The following CCDC73 variants were observed in gnomAD, a reference collection of about 807,000 sequenced individuals.
CCDC73 encodes the protein coiled-coil domain-containing protein 73.
Under a neutral mutation model 116.5 loss-of-function variants are expected in CCDC73, and 95 were observed. The ratio of observed to expected loss-of-function variants is 0.82; its 90% CI spans 0.69 to 0.97. CCDC73 has a LOEUF of 0.97. Among genes scored for constraint, CCDC73 ranks in the 50% least tolerant of loss-of-function variants. The pLI is 0.00. For missense variants in CCDC73, 1,066 were observed against 1,206.8 expected (o/e 0.88, Z 1.73); for synonymous variants, 398 against 401.3 (o/e 0.99, Z 0.10).
At chr11:32,746,928 G>A (rs959007679) in intron 2 of CCDC73, among the ~76,000 whole-genome samples, 5 of 152,040 alleles carry the variant, frequency 3.3e-5, no homozygotes, top group African/African-American at 9.7e-5. Context: ...TACTTCTGTC[G>A]ACTTGTCAAA....
At chr11:32,666,452 G>A (rs548009474) in intron 9 of CCDC73, among the ~76,000 whole-genome samples, 57 of 152,096 alleles carry the variant, frequency 3.7e-4, no homozygotes, top group Admixed American at 2.4e-3. Flanking sequence ...TAATCGAATC[G>A]GCTACTGAAG....
chr11:32,629,620 G>C (rs1254939628), intron 14 of CCDC73, among the ~76,000 whole-genome samples: 4 of 152,032 alleles, frequency 2.6e-5, no homozygotes, highest in South Asian at 2.1e-4. Context: ...GGATGGTCTC[G>C]ATCTCCTGAC....
the CCDC73 span, among the ~76,000 whole-genome samples, chr11:32,822,590 G>A: frequency 1.1e-4 from 17 of 152,108 alleles, no homozygotes; most frequent in African/African-American, 4.1e-4. Flanking sequence ...AAGCAATTAT[G>A]TTGAACCATA....
chr11:32,667,358 A>G (rs1211720761), intron 9 of CCDC73, among the ~76,000 whole-genome samples: 2 of 152,216 alleles, frequency 1.3e-5, no homozygotes, highest in Non-Finnish European at 2.9e-5. Context: ...AAGCCTCAGC[A>G]ATGGTGGGTG....
intron 12 of CCDC73, among the ~76,000 whole-genome samples, chr11:32,650,718 C>A (rs927938070): frequency 6.6e-6 from 1 of 151,844 alleles, no homozygotes; most frequent in South Asian, 2.1e-4. Flanking sequence ...ATTTGGGACA[C>A]GTAAGAGAAA....
At chr11:32,746,805 G>T (rs893921659) in intron 2 of CCDC73, among the ~76,000 whole-genome samples, 1 of 152,070 alleles carries the variant, frequency 6.6e-6, no homozygotes, top group Non-Finnish European at 1.5e-5. Context: ...CTCTACACTG[G>T]TTATTCTAGT....
At chr11:32,763,771 T>A (rs1195242027) in intron 1 of CCDC73, among the ~76,000 whole-genome samples, 1 of 152,214 alleles carries the variant, frequency 6.6e-6, no homozygotes, top group Admixed American at 6.5e-5. Flanking sequence ...GGAGAATGAC[T>A]TTGACGATTT....
intron 6 of CCDC73, among the ~76,000 whole-genome samples, chr11:32,691,753 G>A (rs1856260558): frequency 6.6e-6 from 1 of 151,770 alleles, no homozygotes; most frequent in Non-Finnish European, 1.5e-5. Context: ...TTTTCGTGTT[G>A]TATCAAAAAA....
In CCDC73 at chr11:32,654,205, G is replaced by T. The variant is rs115784439; in HGVS notation, c.775-168C>A. ...TATGTTTGTTTTGAGACTGTGTCTC[G>T]CTCTATCACCCAGTCTGGAGTGCAG... On this transcript the variant is annotated intron_variant, in intron 10 of 17. Transcript: ENST00000335185. Among the ~76,000 whole-genome samples the T allele has an allele frequency of 7.2e-3, 1,088 of 151,930 alleles. 17 individuals carry two copies. The highest frequency in any genetic ancestry group is 0.025 in the African/African-American group (1,049 of 41,436).
At chr11:32,622,694 A>T (rs1855533631) in intron 14 of CCDC73, among the ~76,000 whole-genome samples, 1 of 133,642 alleles carries the variant, frequency 7.5e-6, no homozygotes, top group African/African-American at 2.7e-5. Context: ...AAAAGAAAGA[A>T]TGAACCTCTA....
chr11:32,761,022 T>C (rs934529506), intron 1 of CCDC73, among the ~76,000 whole-genome samples: 25 of 152,196 alleles, frequency 1.6e-4, no homozygotes, highest in Non-Finnish European at 2.6e-4. Context: ...TTATCATATT[T>C]ATAGCTTCAT....
At chr11:32,702,612 A>G (rs1442720549) in intron 4 of CCDC73, among the ~76,000 whole-genome samples, 4 of 152,204 alleles carry the variant, frequency 2.6e-5, no homozygotes, top group African/African-American at 9.6e-5. Flanking sequence ...ATTCACCTAA[A>G]TTATTCAGGA....
At chr11:32,607,080 ATTTTT>A (rs759164050) in intron 17 of CCDC73, among the ~76,000 whole-genome samples, 3 of 74,164 alleles carry the variant, frequency 4.0e-5, no homozygotes, top group African/African-American at 6.0e-5. Context: ...CCAAAAATAA[ATTTTT>A]TTTTTTTTTT....
At chr11:32,737,268 TGTGTG>T (rs1565088977) in intron 2 of CCDC73, among the ~76,000 whole-genome samples, 3 of 148,558 alleles carry the variant, frequency 2.0e-5, no homozygotes, top group African/African-American at 7.5e-5. Flanking sequence ...TGTGTGTGTG[TGTGTG>T]TATATACATG....
chr11:32,759,367 G>A (rs919639183), intron 2 of CCDC73, among the ~76,000 whole-genome samples: 21 of 131,316 alleles, frequency 1.6e-4, no homozygotes, highest in Admixed American at 5.5e-4. Context: ...GTCTTGCTCC[G>A]TCACCCAGGC....
intron 6 of CCDC73, among the ~76,000 whole-genome samples, chr11:32,696,983 C>CA (rs1474582260): frequency 6.6e-6 from 1 of 151,344 alleles, no homozygotes; most frequent in East Asian, 2.0e-4. Flanking sequence ...GTGCTCACCA[C>CA]CACACCCAGC....
chr11:32,615,779 C>A, intron 15 of CCDC73, 161 bp downstream of exon 15: 1 of 667,302 alleles, frequency 1.5e-6, no homozygotes, highest in South Asian at 2.1e-5. Flanking sequence ...TTACTGGTGA[C>A]TCCAAGAACA....
At chr11:32,802,424 A>G in the CCDC73 span, among the ~76,000 whole-genome samples, 1 of 152,236 alleles carries the variant, frequency 6.6e-6, no homozygotes, top group South Asian at 2.1e-4. Context: ...AGTATCACCA[A>G]TTGTGAGAAT....
intron 17 of CCDC73, among the ~76,000 whole-genome samples, chr11:32,610,837 A>G (rs1855415426): frequency 6.6e-6 from 1 of 152,234 alleles, no homozygotes; most frequent in Admixed American, 6.5e-5. Flanking sequence ...TAAAATTTTA[A>G]ATGCTCAAAT....
Sources: gnomAD v4.1 joint callset for allele counts (sites outside exome capture counted in the v4.1 genomes callset) on GRCh38, gnomAD v4.1.1 for gene constraint, MANE v1.5 for transcripts, NCBI Gene and HGNC (gene_info 2026-07-23, HGNC 2026-07-21) for gene names.